The following GFRA1 variants were observed in gnomAD, a reference collection of about 807,000 sequenced individuals.
GFRA1 encodes the protein GDNF family receptor alpha 1.
GFRA1 carries 16 observed loss-of-function variants against 51.6 expected under a neutral mutation model. The ratio of observed to expected loss-of-function variants is 0.31; its 90% CI spans 0.21 to 0.47. GFRA1 has a LOEUF of 0.47. Ranked by LOEUF, GFRA1 falls within the 20% of genes least tolerant of loss-of-function variation. GFRA1 has a pLI of 1.00. For synonymous variants in GFRA1, 270 were observed against 241.3 expected (o/e 1.12, Z -1.10); for missense variants, 530 against 594.3 (o/e 0.89, Z 1.13).
At chr10:116,113,310 C>T (rs561171887) in intron 6 of GFRA1, among the ~76,000 whole-genome samples, 8 of 152,096 alleles carry the variant, frequency 5.3e-5, no homozygotes, top group Non-Finnish European at 1.2e-4. Context: ...CTCTTTTCAC[C>T]TGCAATCCAG....
intron 5 of GFRA1, among the ~76,000 whole-genome samples, chr10:116,179,005 C>G (rs74160646): frequency 6.6e-6 from 1 of 152,254 alleles, no homozygotes; most frequent in African/African-American, 2.4e-5. Context: ...CATCTGCTCC[C>G]CCGGTTACCG....
chr10:116,159,618 G>A (rs746280866), intron 5 of GFRA1, among the ~76,000 whole-genome samples: 49 of 152,186 alleles, frequency 3.2e-4, no homozygotes, highest in Non-Finnish European at 6.3e-4. Flanking sequence ...ATGTGAATGT[G>A]GAGGGCTGGC....
intron 5 of GFRA1, among the ~76,000 whole-genome samples, chr10:116,198,233 T>C (rs1964049625): frequency 8.6e-6 from 1 of 116,886 alleles, no homozygotes; most frequent in African/African-American, 3.3e-5. Context: ...GGATATTAAC[T>C]TTCAACTGCT....
chr10:116,198,154 G>A (rs147045293), intron 5 of GFRA1, among the ~76,000 whole-genome samples: 33 of 152,256 alleles, frequency 2.2e-4, no homozygotes, highest in Middle Eastern at 3.4e-3. Flanking sequence ...GCTTCTGATC[G>A]GAGTCTGCAT....
rs1461046900 is a variant in GFRA1 at position 116,089,929 on chromosome 10, T to C, written c.1016-7A>G. The C allele has an allele frequency of 1.2e-6, 2 of 1,609,048 alleles. No individual in the cohort carries two copies. The highest frequency in any genetic ancestry group is 1.7e-5 in the Admixed American group (1 of 59,422). ...AAGGCTTGAATTGCATTTTCTGCAG[T>C]AAAACAGGAGGAAATCCAATTTCAA... is the stretch of plus-strand genomic sequence containing the variant. On this transcript the variant is annotated splice_polypyrimidine_tract_variant and splice_region_variant and intron_variant, in intron 8 of 10. Transcript: ENST00000355422.
At chr10:116,196,388 C>G (rs540993943) in intron 5 of GFRA1, among the ~76,000 whole-genome samples, 1 of 150,080 alleles carries the variant, frequency 6.7e-6, no homozygotes, top group African/African-American at 2.5e-5. Flanking sequence ...ACTAGGGAGG[C>G]TGAGGCAGGA....
chr10:116,187,274 TC>T (rs1962815715), intron 5 of GFRA1, among the ~76,000 whole-genome samples: 1 of 152,194 alleles, frequency 6.6e-6, no homozygotes, highest in African/African-American at 2.4e-5. Flanking sequence ...TTCAAAAATG[TC>T]CATTTGAGGT....
At chr10:116,144,665 A>G (rs1474711370) in intron 5 of GFRA1, among the ~76,000 whole-genome samples, 2 of 152,212 alleles carry the variant, frequency 1.3e-5, no homozygotes, top group Non-Finnish European at 2.9e-5. Context: ...ATAAAATTAG[A>G]TTCATAAGGT....
At chr10:116,271,184 G>A (rs1843903020) in intron 2 of GFRA1, 69 bp from the exon 3 acceptor site, 11 of 1,405,088 alleles carry the variant, frequency 7.8e-6, no homozygotes, top group Non-Finnish European at 1.1e-5. Flanking sequence ...CTCCGGGCGA[G>A]GGCGCGCGCC....
At chr10:116,138,024 A>C (rs1958405309) in intron 5 of GFRA1, among the ~76,000 whole-genome samples, 1 of 151,998 alleles carries the variant, frequency 6.6e-6, no homozygotes, top group South Asian at 2.1e-4. Context: ...GCTGGTCTCA[A>C]ACTCGTGATC....
At chr10:116,084,856 C>G (rs1036779772) in intron 9 of GFRA1, among the ~76,000 whole-genome samples, 4 of 151,362 alleles carry the variant, frequency 2.6e-5, no homozygotes, top group African/African-American at 9.7e-5. Flanking sequence ...AGCTACCAGA[C>G]CACTCCAGTG....
At chr10:116,265,243 C>G (rs1213844489) in intron 4 of GFRA1, among the ~76,000 whole-genome samples, 2 of 152,154 alleles carry the variant, frequency 1.3e-5, no homozygotes, top group African/African-American at 4.8e-5. Flanking sequence ...GCGCCAGAAG[C>G]TGGGACTTTT....
intron 4 of GFRA1, among the ~76,000 whole-genome samples, chr10:116,243,652 G>C (rs1967601703): frequency 6.6e-6 from 1 of 151,878 alleles, no homozygotes; most frequent in Non-Finnish European, 1.5e-5. Context: ...AAATCACCTA[G>C]GAGCTTTAAA....
At chr10:116,099,466 C>T (rs540786283) in intron 6 of GFRA1, among the ~76,000 whole-genome samples, 3 of 152,186 alleles carry the variant, frequency 2.0e-5, no homozygotes, top group Non-Finnish European at 2.9e-5. Context: ...CCCCAGTCAC[C>T]CTTGTGCCAA....
At chr10:116,255,101 C>T (rs1280790911) in intron 4 of GFRA1, among the ~76,000 whole-genome samples, 2 of 152,188 alleles carry the variant, frequency 1.3e-5, no homozygotes, top group Non-Finnish European at 2.9e-5. Flanking sequence ...TACCCCCCTC[C>T]ACCATGAGAG....
chr10:116,105,924 T>G (rs562503316), intron 6 of GFRA1, among the ~76,000 whole-genome samples: 1 of 152,244 alleles, frequency 6.6e-6, no homozygotes, highest in South Asian at 2.1e-4. Context: ...CATGGCAAAA[T>G]GGACTTTGCA....
intron 5 of GFRA1, among the ~76,000 whole-genome samples, chr10:116,157,097 T>C (rs1006572649): frequency 2.0e-5 from 3 of 152,176 alleles, no homozygotes; most frequent in Admixed American, 6.5e-5. Context: ...CGTGAAAAGG[T>C]GCTTTTAAAC....
At chr10:116,196,461 C>T (rs1350896095) in intron 5 of GFRA1, among the ~76,000 whole-genome samples, 1 of 145,592 alleles carries the variant, frequency 6.9e-6, no homozygotes, top group Non-Finnish European at 1.5e-5. Context: ...TGTACTCCAG[C>T]CAGGGTGATG....
At chr10:116,130,305 T>C (rs1958054129) in intron 5 of GFRA1, among the ~76,000 whole-genome samples, 1 of 151,992 alleles carries the variant, frequency 6.6e-6, no homozygotes, top group Non-Finnish European at 1.5e-5. Context: ...ACTAATATTA[T>C]TACAACAAAG....
Sources: gnomAD v4.1 joint callset for allele counts (sites outside exome capture counted in the v4.1 genomes callset) on GRCh38, gnomAD v4.1.1 for gene constraint, MANE v1.5 for transcripts, NCBI Gene and HGNC (gene_info 2026-07-23, HGNC 2026-07-21) for gene names.